CNNM2: variants seen among roughly 807,000 people sequenced by gnomAD.
The protein encoded by CNNM2 is cyclin and CBS domain divalent metal cation transport mediator 2.
Under a neutral mutation model 66.9 loss-of-function variants are expected in CNNM2, and 12 were observed. That is an observed-to-expected ratio of 0.18 (90% CI 0.11 to 0.29). CNNM2 has a LOEUF of 0.29. Among genes scored for constraint, CNNM2 ranks in the 10% least tolerant of loss-of-function variants. The probability of loss-of-function intolerance (pLI) is 1.00; values close to 1 mark genes in which losing one functional copy is unlikely to be tolerated. For synonymous variants in CNNM2, 557 were observed against 501.8 expected (o/e 1.11, Z -1.47); for missense variants, 705 against 1,167.7 (o/e 0.60, Z 5.77).
intron 1 of CNNM2, among the ~76,000 whole-genome samples, chr10:102,975,478 A>AAC (rs1554894115): frequency 1.3e-5 from 2 of 148,462 alleles, no homozygotes; most frequent in South Asian, 4.4e-4. Flanking sequence ...AGAAAAAAAA[A>AAC]AAAAAAAAAA....
intron 1 of CNNM2, among the ~76,000 whole-genome samples, chr10:103,000,210 T>C (rs1336510974): frequency 6.6e-6 from 1 of 151,654 alleles, no homozygotes; most frequent in African/African-American, 2.4e-5. Flanking sequence ...CACTCCAGCG[T>C]GTGTGACAAG....
At chr10:103,024,317 G>A (rs2064654460) in intron 1 of CNNM2, among the ~76,000 whole-genome samples, 1 of 151,942 alleles carries the variant, frequency 6.6e-6, no homozygotes, top group South Asian at 2.1e-4. Flanking sequence ...AACTATCATG[G>A]CTTTGTTATA....
At chr10:102,990,265 T>TTAAGCCACCGTGCCCGGTC (rs1324000391) in intron 1 of CNNM2, among the ~76,000 whole-genome samples, 139 of 152,150 alleles carry the variant, frequency 9.1e-4, no homozygotes, top group Non-Finnish European at 1.6e-3. Context: ...CGCGCCCGGT[T>TTAAGCCACCGTGCCCGGTC]TAAGCCACCG....
intron 1 of CNNM2, among the ~76,000 whole-genome samples, chr10:102,971,878 C>T (rs2063552389): frequency 6.6e-6 from 1 of 152,158 alleles, no homozygotes; most frequent in Non-Finnish European, 1.5e-5. Context: ...TCATAACTTG[C>T]ACTTCTTCAG....
intron 1 of CNNM2, among the ~76,000 whole-genome samples, chr10:103,046,659 CAA>C (rs1267549790): frequency 2.0e-5 from 3 of 152,052 alleles, no homozygotes; most frequent in African/African-American, 7.2e-5. Flanking sequence ...TTTTCTAAAA[CAA>C]ACAGTAGAAG....
chr10:103,058,960 TTTTTTTGTTTGTTTTG>T (rs1270545295), intron 4 of CNNM2, among the ~76,000 whole-genome samples: 3 of 152,194 alleles, frequency 2.0e-5, no homozygotes, highest in South Asian at 2.1e-4. Flanking sequence ...AGTTTGTTTG[TTTTTTTGTTTGTTTTG>T]TTTTTTGTTT....
chr10:102,982,161 T>A (rs1428125817), intron 1 of CNNM2, among the ~76,000 whole-genome samples: 1 of 152,224 alleles, frequency 6.6e-6, no homozygotes, highest in Non-Finnish European at 1.5e-5. Flanking sequence ...GTCGTCACTT[T>A]CTCAAGGAGG....
chr10:103,071,540 G>A (rs1465679403), intron 5 of CNNM2, among the ~76,000 whole-genome samples: 3 of 152,160 alleles, frequency 2.0e-5, no homozygotes, highest in African/African-American at 7.2e-5. Flanking sequence ...GAGATTTCTT[G>A]GTTAGTAACA....
intron 1 of CNNM2, among the ~76,000 whole-genome samples, chr10:102,958,232 G>A (rs368143969): frequency 2.6e-5 from 4 of 151,998 alleles, no homozygotes; most frequent in African/African-American, 7.2e-5. Flanking sequence ...CACTGCGCCC[G>A]GCCTGAGCCA....
chr10:103,085,317 C>T lies in CNNM2; in HGVS notation c.*8137C>T, dbSNP rs753609506. ...AGTGACTTGTTTAAAGATACCCACA[C>T]ACTCAAGTCAAAGATAACTCTGGTG... On this transcript the variant is annotated 3_prime_UTR_variant, in exon 8 of 8. Transcript: ENST00000369878. 2.0e-5 allele frequency: 3 copies of T among 152,202 alleles called. No homozygotes were observed. Among genetic ancestry groups the T allele is most frequent in the Non-Finnish European group, 4.4e-5 (3 of 68,038 alleles). 9.4% of individuals were successfully genotyped at this position (152,202 alleles called of 1,614,324 possible). A position where few individuals can be genotyped will look rare whatever the true frequency, so the allele number is the denominator to read the frequency against.
At chr10:102,927,261 A>G in intron 1 of CNNM2, 2 of 1,582,160 alleles carry the variant, frequency 1.3e-6, no homozygotes, top group Non-Finnish European at 1.7e-6. Flanking sequence ...AGTACTATTA[A>G]ACTCAAACAT....
rs2134375677 is a variant in CNNM2, at chr10:103,079,014, CT to C, written c.*1836del. 6.6e-6 allele frequency: 1 copy of C among 152,386 alleles called. No individual in the cohort carries two copies. The highest frequency in any genetic ancestry group is 6.5e-5 in the Admixed American group (1 of 15,296). The allele number at this position is 152,386 out of a possible 1,614,324, so 9.4% of individuals were successfully genotyped here. A position where few individuals can be genotyped will look rare whatever the true frequency, so the allele number is the denominator to read the frequency against. On this transcript the variant is annotated 3_prime_UTR_variant, in exon 8 of 8. Coordinates refer to ENST00000369878, the MANE Select transcript of CNNM2 (RefSeq NM_017649.5). ...TTAGTGGGGGGAAGTACTGATCTCA[CT>C]TGGTGTAGAGGGTCACAGGGACCCC... is the stretch of plus-strand genomic sequence containing the variant.
In CNNM2 at chr10:103,078,927, G is replaced by A. The variant is rs190260192; in HGVS notation, c.*1747G>A. ...GGTGCCTCGGGTGTTGTGCATGCCCGGCTCAGTATTTCCTCTGGGATGCCA... is the reference window on the plus strand; with the variant it reads ...GGTGCCTCGGGTGTTGTGCATGCCCAGCTCAGTATTTCCTCTGGGATGCCA... On this transcript the variant is annotated 3_prime_UTR_variant, in exon 8 of 8. Transcript: ENST00000369878. The A allele has an allele frequency of 1.4e-3, 214 of 152,676 alleles. No individual in the cohort carries two copies. Among genetic ancestry groups the A allele is most frequent in the East Asian group, 4.8e-3 (25 of 5,182 alleles). The allele number at this position is 152,676 out of a possible 1,614,324, so 9.5% of individuals were successfully genotyped here.
In CNNM2 at chr10:103,026,601, C is replaced by CA. The variant is rs887780071; in HGVS notation, c.1622-23082dup. Among the ~76,000 whole-genome samples, 3,723 of 63,170 alleles carry CA rather than the reference C, an allele frequency of 0.059. 123 individuals are homozygous for CA. The highest frequency in any genetic ancestry group is 0.065 in the Non-Finnish European group (2,184 of 33,350). The allele number at this position is 63,170 out of a possible 152,430, so 41.4% of individuals were successfully genotyped here. A position where few individuals can be genotyped will look rare whatever the true frequency, so the allele number is the denominator to read the frequency against. On this transcript the variant is annotated intron_variant, in intron 1 of 7. Transcript: ENST00000369878. The stretch of plus-strand genomic sequence containing the variant: ...TAGGGACAGAGTGAGACCTTGTCTT[C>CA]AAAAAAAAAAAAAAAAAAAAAAAAG...
chr10:102,963,277 C>T (rs1251522214), intron 1 of CNNM2, among the ~76,000 whole-genome samples: 1 of 152,202 alleles, frequency 6.6e-6, no homozygotes, highest in Non-Finnish European at 1.5e-5. Context: ...CTGTCCTTGA[C>T]TTCTTCCCCT....
chr10:103,065,055 C>G (rs2065453324), intron 4 of CNNM2, among the ~76,000 whole-genome samples: 1 of 152,162 alleles, frequency 6.6e-6, no homozygotes, highest in Non-Finnish European at 1.5e-5. Context: ...GGCAGATCCT[C>G]CCCTGCCTGG....
chr10:103,032,112 C>T (rs532157340), intron 1 of CNNM2, among the ~76,000 whole-genome samples: 4 of 152,232 alleles, frequency 2.6e-5, no homozygotes, highest in African/African-American at 9.6e-5. Context: ...GACCCTATTC[C>T]CCTTGATCCC....
In CNNM2 at chr10:102,995,617, G is replaced by A. The variant is rs559685531; in HGVS notation, c.1622-54090G>A. Among the ~76,000 whole-genome samples, 76 of 151,392 alleles carry A rather than the reference G, an allele frequency of 5.0e-4. 1 individual carries two copies. Among genetic ancestry groups the A allele is most frequent in the South Asian group, 1.7e-3 (8 of 4,802 alleles). ...GGTTATGTAGATAATTTCAGAATTA[G>A]ATGCCCCTAGTTTACAAGTACTAAT... On this transcript the variant is annotated intron_variant, in intron 1 of 7. Coordinates refer to ENST00000369878, the MANE Select transcript of CNNM2 (RefSeq NM_017649.5).
At chr10:103,072,522 G>A (rs1029201096) in intron 6 of CNNM2, among the ~76,000 whole-genome samples, 7 of 152,082 alleles carry the variant, frequency 4.6e-5, no homozygotes, top group Non-Finnish European at 8.8e-5. Flanking sequence ...CCCGCCACCA[G>A]GCAGGCGACC....
Sources: gnomAD v4.1 joint callset for allele counts (sites outside exome capture counted in the v4.1 genomes callset) on GRCh38, gnomAD v4.1.1 for gene constraint, MANE v1.5 for transcripts, NCBI Gene and HGNC (gene_info 2026-07-23, HGNC 2026-07-21) for gene names.